MBD5: variants seen among roughly 807,000 people sequenced by gnomAD.
MBD5 encodes the protein methyl-CpG-binding domain protein 5.
A neutral mutation model predicts 117.3 loss-of-function variants in MBD5; 13 were observed. That is an observed-to-expected ratio of 0.11 (90% CI 0.07 to 0.18). The LOEUF (loss-of-function observed/expected upper bound fraction) is 0.18, where lower values mean the gene tolerates loss of function less well. Among genes scored for constraint, MBD5 ranks in the 10% least tolerant of loss-of-function variants. The pLI, the probability that MBD5 is intolerant of heterozygous loss-of-function variation, is 1.00. For synonymous variants in MBD5, 727 were observed against 766.4 expected (o/e 0.95, Z 0.85); for missense variants, 1,879 against 2,093.8 (o/e 0.90, Z 2.00).
intron 8 of MBD5, chr2:148,470,731 A>G: frequency 2.1e-6 from 1 of 471,046 alleles, no homozygotes; most frequent in Non-Finnish European, 3.7e-6. Flanking sequence ...TGGTTTTATA[A>G]CCATTGGACT....
At chr2:148,147,328 T>C (rs1697492352) in intron 1 of MBD5, among the ~76,000 whole-genome samples, 1 of 151,970 alleles carries the variant, frequency 6.6e-6, no homozygotes, top group African/African-American at 2.4e-5. Flanking sequence ...CTGCAACCTC[T>C]GCCTCCTAGA....
At chr2:148,322,635 C>T (rs116305851) in intron 3 of MBD5, among the ~76,000 whole-genome samples, 6 of 152,114 alleles carry the variant, frequency 3.9e-5, no homozygotes, top group African/African-American at 1.4e-4. Flanking sequence ...AAACTGTAGA[C>T]TTACTCCATG....
intron 4 of MBD5, among the ~76,000 whole-genome samples, chr2:148,386,652 G>C (rs1024872135): frequency 6.8e-6 from 1 of 146,500 alleles, no homozygotes; most frequent in Non-Finnish European, 1.5e-5. Context: ...CCGGGAGGCG[G>C]AGCTTGCAGT....
At chr2:148,260,451 C>T (rs1700705999) in intron 3 of MBD5, 2 of 152,482 alleles carry the variant, frequency 1.3e-5, no homozygotes, top group Admixed American at 6.5e-5. Flanking sequence ...GATACTTCCT[C>T]CACTGAAGTT....
At chr2:148,357,161 C>G (rs764826938) in intron 4 of MBD5, among the ~76,000 whole-genome samples, 9 of 152,170 alleles carry the variant, frequency 5.9e-5, no homozygotes, top group Non-Finnish European at 1.2e-4. Context: ...TGGCCACCTA[C>G]TCTACATGAG....
chr2:148,394,545 G>GTTTTTTTTTTTTTTTATTTT (rs71856376), intron 4 of MBD5, among the ~76,000 whole-genome samples: 1 of 121,854 alleles, frequency 8.2e-6, no homozygotes, highest in Non-Finnish European at 1.7e-5. Context: ...CTGTACTTTG[G>GTTTTTTTTTTTTTTTATTTT]TTTTTTTTTT....
intron 2 of MBD5, among the ~76,000 whole-genome samples, chr2:148,188,804 G>A (rs1484589092): frequency 6.6e-6 from 1 of 152,088 alleles, no homozygotes; most frequent in African/African-American, 2.4e-5. Flanking sequence ...CAGCGTGAGC[G>A]ACGCAGAAGA....
chr2:148,066,179 G>T (rs143090134), intron 1 of MBD5, among the ~76,000 whole-genome samples: 5 of 151,942 alleles, frequency 3.3e-5, no homozygotes, highest in Non-Finnish European at 5.9e-5. Context: ...GGTGTTGTGC[G>T]CCTGTCATCG....
intron 3 of MBD5, among the ~76,000 whole-genome samples, chr2:148,325,694 T>A (rs1403462539): frequency 6.6e-6 from 1 of 152,194 alleles, no homozygotes. Context: ...CCCTTTATCA[T>A]TTTTTATTGC....
Position 148,462,816 on chromosome 2 carries a change from T to A in MBD5, c.216+132T>A, listed in dbSNP as rs1235078868. 3 of 677,056 alleles carry A rather than the reference T, an allele frequency of 4.4e-6. No homozygotes were observed. The Admixed American group carries it at 7.7e-5, about 17-fold the overall frequency. The allele number at this position is 677,056 out of a possible 1,614,324, so 41.9% of individuals were successfully genotyped here. ...ATTTTAATTCTTTATCTAATTCTCATATTTTGCATGTGTTTTGGAATGCTT... is the reference window on the plus strand; with the variant it reads ...ATTTTAATTCTTTATCTAATTCTCAAATTTTGCATGTGTTTTGGAATGCTT... On this transcript the variant is annotated intron_variant, in intron 6 of 13. Transcript: ENST00000642680.
chr2:148,492,036 C>CT (rs1681542271), intron 11 of MBD5, among the ~76,000 whole-genome samples: 1 of 151,840 alleles, frequency 6.6e-6, no homozygotes, highest in Non-Finnish European at 1.5e-5. Flanking sequence ...GTCTAAATAT[C>CT]TTTTTATGCC....
chr2:148,107,133 C>T (rs75500560), intron 1 of MBD5, among the ~76,000 whole-genome samples: 1 of 151,912 alleles, frequency 6.6e-6, no homozygotes, highest in Non-Finnish European at 1.5e-5. Flanking sequence ...CTCCAAATGA[C>T]CTTATTTCAC....
intron 1 of MBD5, among the ~76,000 whole-genome samples, chr2:148,051,181 A>G (rs1028816118): frequency 2.6e-5 from 4 of 152,122 alleles, no homozygotes; most frequent in Admixed American, 6.5e-5. Flanking sequence ...ATTTAATGCT[A>G]TTGTAAACAG....
intron 1 of MBD5, among the ~76,000 whole-genome samples, chr2:148,150,017 T>C (rs1463882653): frequency 2.3e-4 from 30 of 132,420 alleles, no homozygotes; most frequent in African/African-American, 8.2e-4. Flanking sequence ...TCCTTGCCCA[T>C]GCCTATGTCC....
At chr2:148,199,496 C>T (rs541927800) in intron 2 of MBD5, among the ~76,000 whole-genome samples, 1 of 152,188 alleles carries the variant, frequency 6.6e-6, no homozygotes, top group Admixed American at 6.5e-5. Flanking sequence ...TGGCCAGGCA[C>T]GGTGGCTCAT....
chr2:148,305,073 AAAAAT>A (rs962414491), intron 3 of MBD5, among the ~76,000 whole-genome samples: 1 of 151,922 alleles, frequency 6.6e-6, no homozygotes, highest in Non-Finnish European at 1.5e-5. Flanking sequence ...TCAAAAAAAA[AAAAAT>A]AAAATAAAAT....
At chr2:148,284,805 T>C (rs1238379710) in intron 3 of MBD5, among the ~76,000 whole-genome samples, 1 of 152,216 alleles carries the variant, frequency 6.6e-6, no homozygotes, top group Non-Finnish European at 1.5e-5. Context: ...TTTTAATATA[T>C]ACATAGATTT....
intron 8 of MBD5, among the ~76,000 whole-genome samples, chr2:148,475,906 C>G (rs1443621323): frequency 6.6e-6 from 1 of 152,124 alleles, no homozygotes; most frequent in Non-Finnish European, 1.5e-5. Flanking sequence ...CTAGGAACTT[C>G]TATCAAACAA....
At chr2:148,380,153 A>G (rs888858886) in intron 4 of MBD5, among the ~76,000 whole-genome samples, 14 of 152,198 alleles carry the variant, frequency 9.2e-5, no homozygotes, top group African/African-American at 2.7e-4. Flanking sequence ...CATAATAATG[A>G]AAGGTACTAC....
Sources: gnomAD v4.1 joint callset for allele counts (sites outside exome capture counted in the v4.1 genomes callset) on GRCh38, gnomAD v4.1.1 for gene constraint, MANE v1.5 for transcripts, NCBI Gene and HGNC (gene_info 2026-07-23, HGNC 2026-07-21) for gene names.